The following TMTC2 variants were observed in gnomAD, a reference collection of about 807,000 sequenced individuals.
TMTC2 encodes protein O-mannosyl-transferase TMTC2.
Under a neutral mutation model 82.4 loss-of-function variants are expected in TMTC2, and 43 were observed. That is an observed-to-expected ratio of 0.52 (90% confidence interval 0.41 to 0.67). TMTC2 has a LOEUF of 0.67. Ranked by LOEUF, TMTC2 falls within the 30% of genes least tolerant of loss-of-function variation. The pLI is 0.00. For missense variants in TMTC2, 919 were observed against 1,012.4 expected, an observed-to-expected ratio of 0.91 and a Z score of 1.25; for synonymous variants, 408 against 381.9, an observed-to-expected ratio of 1.07 and a Z score of -0.80.
chr12:83,019,093 AG>A (rs763613721), intron 8 of TMTC2, among the ~76,000 whole-genome samples: 12 of 152,174 alleles, frequency 7.9e-5, no homozygotes, highest in Non-Finnish European at 1.2e-4. Context: ...TCATGGCCAT[AG>A]TTGGCAAGTT....
chr12:82,704,805 G>A (rs1281430394), intron 1 of TMTC2, among the ~76,000 whole-genome samples: 1 of 152,046 alleles, frequency 6.6e-6, no homozygotes, highest in South Asian at 2.1e-4. Flanking sequence ...AAAAGGAGAT[G>A]TATGGAAATT....
At chr12:82,732,522 T>G (rs1592884399) in intron 1 of TMTC2, among the ~76,000 whole-genome samples, 1 of 152,150 alleles carries the variant, frequency 6.6e-6, no homozygotes, top group African/African-American at 2.4e-5. Flanking sequence ...TTTTTGTATT[T>G]TTAGTAGAAA....
intron 1 of TMTC2, among the ~76,000 whole-genome samples, chr12:82,772,735 CT>C (rs1426790715): frequency 7.9e-5 from 12 of 151,934 alleles, no homozygotes; most frequent in Admixed American, 5.2e-4. Flanking sequence ...TTTTTTTCCC[CT>C]GGAACCAAAA....
At chr12:83,043,389 A>G (rs929298341) in intron 9 of TMTC2, among the ~76,000 whole-genome samples, 2 of 152,114 alleles carry the variant, frequency 1.3e-5, no homozygotes, top group African/African-American at 4.8e-5. Context: ...CCTTTTATGC[A>G]CTCATCTTGT....
chr12:82,869,334 T>A (rs1305550301), intron 2 of TMTC2, among the ~76,000 whole-genome samples: 2 of 152,112 alleles, frequency 1.3e-5, no homozygotes, highest in Admixed American at 6.6e-5. Context: ...GGGGAGAATT[T>A]CTGGAGGTGG....
At chr12:82,816,197 T>C (rs1343276637) in intron 1 of TMTC2, among the ~76,000 whole-genome samples, 1 of 151,728 alleles carries the variant, frequency 6.6e-6, no homozygotes, top group Non-Finnish European at 1.5e-5. Flanking sequence ...TGAAGGTTCC[T>C]ATTTAGAGAA....
intron 1 of TMTC2, among the ~76,000 whole-genome samples, chr12:82,769,912 G>A (rs1454791957): frequency 6.6e-6 from 1 of 152,034 alleles, no homozygotes; most frequent in Non-Finnish European, 1.5e-5. Flanking sequence ...ACCCGGCCAA[G>A]ACACTTATTT....
intron 8 of TMTC2, among the ~76,000 whole-genome samples, chr12:83,022,971 T>C (rs1266947933): frequency 6.6e-6 from 1 of 152,118 alleles, no homozygotes. Flanking sequence ...GGACATTGAG[T>C]TCGTATGAAC....
chr12:83,118,087 C>A (rs1884825439), intron 11 of TMTC2, among the ~76,000 whole-genome samples: 1 of 152,066 alleles, frequency 6.6e-6, no homozygotes, highest in South Asian at 2.1e-4. Context: ...TTATGGTTTT[C>A]TAGGTATGCT....
intron 1 of TMTC2, among the ~76,000 whole-genome samples, chr12:82,744,165 T>G (rs1379049766): frequency 6.6e-6 from 1 of 152,180 alleles, no homozygotes. Flanking sequence ...CTCATGCCTG[T>G]AATCCCAGCA....
At position 82,775,367 on chromosome 12, in the gene TMTC2, C is replaced by T. The variant is rs1202616964; in HGVS notation, c.84-81643C>T. On this transcript the variant is annotated intron_variant, in intron 1 of 11. Coordinates refer to ENST00000321196, the MANE Select transcript of TMTC2 (RefSeq NM_152588.3). ...CGGGAGGCTAAGGTGGGAGGATTGT[C>T]TGAGCCTGGGAGATTGAGGCTGCAT... Among the ~76,000 whole-genome samples, 11 of 151,930 alleles carry T rather than the reference C, an allele frequency of 7.2e-5. No individual in the cohort carries two copies. The East Asian group carries it at 1.9e-3, about 27-fold the overall frequency.
intron 11 of TMTC2, among the ~76,000 whole-genome samples, chr12:83,080,240 G>GT (rs1565880711): frequency 6.6e-6 from 1 of 152,026 alleles, no homozygotes; most frequent in Non-Finnish European, 1.5e-5. Flanking sequence ...GTATCTCCAT[G>GT]TTTAAAAGTT....
chr12:82,890,706 G>A (rs916718866), intron 2 of TMTC2, among the ~76,000 whole-genome samples: 12 of 152,060 alleles, frequency 7.9e-5, no homozygotes, highest in Admixed American at 3.9e-4. Flanking sequence ...TATCCTTTAA[G>A]CCATTATGAC....
intron 1 of TMTC2, among the ~76,000 whole-genome samples, chr12:82,846,553 G>A (rs1870693452): frequency 6.6e-6 from 1 of 152,010 alleles, no homozygotes. Flanking sequence ...CCTAGGGTTA[G>A]GGAGGTATAT....
chr12:83,046,244 C>A (rs1254046209), intron 9 of TMTC2, among the ~76,000 whole-genome samples: 2 of 152,096 alleles, frequency 1.3e-5, no homozygotes, highest in African/African-American at 4.8e-5. Context: ...CTAGCTAATC[C>A]CAGATGTCAT....
chr12:82,849,811 G>A (rs138459292), intron 1 of TMTC2, among the ~76,000 whole-genome samples: 11 of 152,150 alleles, frequency 7.2e-5, no homozygotes, highest in African/African-American at 2.2e-4. Context: ...GATTGGATCC[G>A]GCTACACTAG....
chr12:82,692,435 A>G (rs538750113), intron 1 of TMTC2, among the ~76,000 whole-genome samples: 1 of 152,332 alleles, frequency 6.6e-6, no homozygotes, highest in South Asian at 2.1e-4. Context: ...TCAGCACACT[A>G]AAAGCACTTT....
chr12:83,030,956 C>A, intron 9 of TMTC2, 77 bp downstream of exon 9: 4 of 1,094,910 alleles, frequency 3.7e-6, no homozygotes, highest in Non-Finnish European at 4.1e-6. Flanking sequence ...GCTTTGCTGG[C>A]AAAGAACATT....
intron 2 of TMTC2, among the ~76,000 whole-genome samples, chr12:82,875,540 C>T (rs1872443811): frequency 1.3e-5 from 2 of 152,092 alleles, no homozygotes; most frequent in Non-Finnish European, 2.9e-5. Context: ...CACTTTGTGT[C>T]AGTGAAACTC....
Sources: gnomAD v4.1 joint callset for allele counts (sites outside exome capture counted in the v4.1 genomes callset) on GRCh38, gnomAD v4.1.1 for gene constraint, MANE v1.5 for transcripts, NCBI Gene and HGNC (gene_info 2026-07-23, HGNC 2026-07-21) for gene names.